SEMA5A: variants seen among roughly 807,000 people sequenced by gnomAD.
SEMA5A encodes the protein semaphorin-5A.
SEMA5A carries 55 observed loss-of-function variants against 135.5 expected under a neutral mutation model. The ratio of observed to expected loss-of-function variants is 0.41; its 90% CI spans 0.33 to 0.51. The LOEUF is 0.51. SEMA5A is among the 20% of genes least tolerant of loss of function. SEMA5A has a pLI of 0.37. For synonymous variants in SEMA5A, 580 were observed against 546.5 expected (o/e 1.06, Z -0.85); for missense variants, 1,290 against 1,419.9 (o/e 0.91, Z 1.47).
chr5:9,521,585 C>T (rs1337979155), intron 1 of SEMA5A, among the ~76,000 whole-genome samples: 1 of 152,280 alleles, frequency 6.6e-6, no homozygotes, highest in Non-Finnish European at 1.5e-5. Flanking sequence ...TAACACCGCT[C>T]GGTCTATTCC....
intron 1 of SEMA5A, chr5:9,516,686 A>T (rs1473710428): frequency 1.3e-5 from 2 of 152,210 alleles, no homozygotes; most frequent in Non-Finnish European, 2.9e-5. Flanking sequence ...ACCCCAGAAG[A>T]GGGAAGAGTA....
At chr5:9,161,104 A>G (rs1743227961) in intron 11 of SEMA5A, among the ~76,000 whole-genome samples, 1 of 149,270 alleles carries the variant, frequency 6.7e-6, no homozygotes, top group African/African-American at 2.4e-5. Context: ...GAATAACTGG[A>G]AAGAGAAATG....
chr5:9,368,270 C>G (rs1273258148), intron 3 of SEMA5A, among the ~76,000 whole-genome samples: 1 of 152,088 alleles, frequency 6.6e-6, no homozygotes, highest in African/African-American at 2.4e-5. Flanking sequence ...ACGTGATGCC[C>G]AAAAATATGT....
intron 11 of SEMA5A, among the ~76,000 whole-genome samples, chr5:9,160,880 A>G (rs1743215465): frequency 6.6e-6 from 1 of 152,238 alleles, no homozygotes; most frequent in East Asian, 1.9e-4. Context: ...AGTAGATTCC[A>G]TTGGAAACAT....
At chr5:9,151,797 C>A (rs1393086568) in intron 12 of SEMA5A, among the ~76,000 whole-genome samples, 1 of 152,226 alleles carries the variant, frequency 6.6e-6, no homozygotes, top group Non-Finnish European at 1.5e-5. Flanking sequence ...GTTACGATTT[C>A]TTACTGCTTC....
At chr5:9,240,732 C>A (rs1464896731) in intron 5 of SEMA5A, among the ~76,000 whole-genome samples, 1 of 152,056 alleles carries the variant, frequency 6.6e-6, no homozygotes, top group African/African-American at 2.4e-5. Context: ...ACCTCTTAAT[C>A]AAGCCTTCTC....
intron 3 of SEMA5A, among the ~76,000 whole-genome samples, chr5:9,374,455 C>T (rs575626221): frequency 2.6e-5 from 4 of 152,106 alleles, no homozygotes; most frequent in Non-Finnish European, 2.9e-5. Context: ...CAAGATTATC[C>T]GGTTCTCCCT....
At chr5:9,339,919 G>A (rs1262662750) in intron 3 of SEMA5A, among the ~76,000 whole-genome samples, 1 of 152,168 alleles carries the variant, frequency 6.6e-6, no homozygotes, top group African/African-American at 2.4e-5. Flanking sequence ...TATTGGCCTT[G>A]AAAATGAATA....
chr5:9,389,184 C>T (rs189607974), intron 2 of SEMA5A, among the ~76,000 whole-genome samples: 1 of 152,224 alleles, frequency 6.6e-6, no homozygotes, highest in African/African-American at 2.4e-5. Context: ...CTGTAACTCC[C>T]CAATCTCTCT....
chr5:9,353,189 GGGAAA>G (rs1204266521), intron 3 of SEMA5A, among the ~76,000 whole-genome samples: 365 of 16,712 alleles, frequency 0.022, 8 homozygotes, highest in African/African-American at 0.055. Flanking sequence ...AGGAAGGGAA[GGGAAA>G]GGAAAGGAAA....
At chr5:9,078,075 C>A (rs1738168067) in intron 16 of SEMA5A, among the ~76,000 whole-genome samples, 1 of 152,136 alleles carries the variant, frequency 6.6e-6, no homozygotes, top group Non-Finnish European at 1.5e-5. Context: ...ATGAGAAGAT[C>A]CATCTATTTA....
intron 11 of SEMA5A, among the ~76,000 whole-genome samples, chr5:9,183,828 G>C (rs1744658942): frequency 6.6e-6 from 1 of 152,340 alleles, no homozygotes; most frequent in Non-Finnish European, 1.5e-5. Flanking sequence ...AAGGTTGTCT[G>C]TTTTTGAAGT....
At chr5:9,047,332 G>T (rs560033795) in intron 21 of SEMA5A, among the ~76,000 whole-genome samples, 14 of 152,286 alleles carry the variant, frequency 9.2e-5, no homozygotes, top group African/African-American at 3.1e-4. Context: ...AAAGGCTGGG[G>T]CCAGCTGACA....
chr5:9,267,816 G>A (rs951570770), intron 5 of SEMA5A, among the ~76,000 whole-genome samples: 6 of 152,110 alleles, frequency 3.9e-5, no homozygotes, highest in Admixed American at 1.3e-4. Context: ...AAGATTTACA[G>A]AACACGTGGA....
At chr5:9,162,398 GTGTGTGTATATATA>G (rs1345152665) in intron 11 of SEMA5A, among the ~76,000 whole-genome samples, 1 of 138,320 alleles carries the variant, frequency 7.2e-6, no homozygotes, top group African/African-American at 3.1e-5. Flanking sequence ...GTGTGTGTGT[GTGTGTGTATATATA>G]TGTGTGTGTA....
chr5:9,428,161 T>TATCC (rs1757734257), intron 2 of SEMA5A, among the ~76,000 whole-genome samples: 1 of 136,604 alleles, frequency 7.3e-6, no homozygotes, highest in Admixed American at 7.1e-5. Flanking sequence ...TCTATCTATC[T>TATCC]ATCTATCCAT....
At chr5:9,537,769 G>C (rs1402394670) in intron 1 of SEMA5A, among the ~76,000 whole-genome samples, 1 of 152,186 alleles carries the variant, frequency 6.6e-6, no homozygotes, top group East Asian at 1.9e-4. Context: ...CAAGTAACTA[G>C]AAATACTGAA....
chr5:9,447,709 GAAAT>G (rs1371404581), intron 1 of SEMA5A, among the ~76,000 whole-genome samples: 1 of 152,132 alleles, frequency 6.6e-6, no homozygotes, highest in Non-Finnish European at 1.5e-5. Context: ...TTAAAAATGA[GAAAT>G]AAGCTACAAC....
chr5:9,223,421 T>C (rs1747112439), intron 8 of SEMA5A, among the ~76,000 whole-genome samples: 1 of 152,172 alleles, frequency 6.6e-6, no homozygotes, highest in Admixed American at 6.5e-5. Flanking sequence ...AATTCCCCCC[T>C]CCCAGGGGGT....
Sources: gnomAD v4.1 joint callset for allele counts (sites outside exome capture counted in the v4.1 genomes callset) on GRCh38, gnomAD v4.1.1 for gene constraint, MANE v1.5 for transcripts, NCBI Gene and HGNC (gene_info 2026-07-23, HGNC 2026-07-21) for gene names.